Variants in OSBPL9 observed in about 807,000 individuals in gnomAD.
The protein encoded by OSBPL9 is oxysterol-binding protein-related protein 9.
Under a neutral mutation model 106.6 loss-of-function variants are expected in OSBPL9, and 40 were observed. That is an observed-to-expected ratio of 0.38 (90% CI 0.29 to 0.49). OSBPL9 has a LOEUF of 0.49. OSBPL9 is among the 20% of genes least tolerant of loss of function. The pLI is 0.97. For missense variants in OSBPL9, 609 were observed against 887.2 expected (o/e 0.69, Z 3.98); for synonymous variants, 269 against 295.4 (o/e 0.91, Z 0.92).
At chr1:51,728,472 G>T (rs749135536) in intron 4 of OSBPL9, among the ~76,000 whole-genome samples, 6 of 152,112 alleles carry the variant, frequency 3.9e-5, no homozygotes, top group Non-Finnish European at 5.9e-5. Context: ...AAATGGGGAA[G>T]GTGTCTAGGA....
chr1:51,534,814 T>C, the OSBPL9 span, among the ~76,000 whole-genome samples: 1 of 152,264 alleles, frequency 6.6e-6, no homozygotes, highest in East Asian at 1.9e-4. Flanking sequence ...TCACTGTGTC[T>C]TTGGGCAAGC....
At chr1:51,750,651 C>T (rs1571532282) in intron 8 of OSBPL9, among the ~76,000 whole-genome samples, 1 of 151,994 alleles carries the variant, frequency 6.6e-6, no homozygotes, top group Non-Finnish European at 1.5e-5. Flanking sequence ...ATTCATGAAA[C>T]AAAATATATT....
rs150082996 is a variant in OSBPL9, at chr1:51,654,306, T to A, written c.162+2265T>A. ...CCTACACCCATTAACTCACTGAGGG[T>A]TGCAAAATAATGACAGGCTATCATT... On this transcript the variant is annotated intron_variant, in intron 2 of 23. Transcript: ENST00000428468. Among the ~76,000 whole-genome samples, 969 of 152,338 alleles carry A rather than the reference T, an allele frequency of 6.4e-3. 7 individuals are homozygous for A. The highest frequency in any genetic ancestry group is 0.011 in the Non-Finnish European group (759 of 68,032).
At chr1:51,519,275 TG>T in the OSBPL9 span, 4 of 841,158 alleles carry the variant, frequency 4.8e-6, no homozygotes, top group Non-Finnish European at 4.2e-6. Flanking sequence ...ACGGGCTGAC[TG>T]GGGCTCGGGG....
chr1:51,724,843 C>CT, intron 4 of OSBPL9: 4 of 266,478 alleles, frequency 1.5e-5, no homozygotes, highest in South Asian at 5.6e-5. Flanking sequence ...TGGAGACTTC[C>CT]TTTACCCTTC....
At chr1:51,560,729 T>A in the OSBPL9 span, among the ~76,000 whole-genome samples, 1 of 152,178 alleles carries the variant, frequency 6.6e-6, no homozygotes, top group Non-Finnish European at 1.5e-5. Flanking sequence ...GTCCCCTCCT[T>A]TTTACCTTCC....
At chr1:51,519,260 G>A in the OSBPL9 span, 1 of 1,297,168 alleles carries the variant, frequency 7.7e-7, no homozygotes, top group East Asian at 3.2e-5. Context: ...GGGAGGGGAA[G>A]GAAGACGGGC....
chr1:51,629,601 G>T (rs1037868915), intron 1 of OSBPL9, among the ~76,000 whole-genome samples: 1 of 152,154 alleles, frequency 6.6e-6, no homozygotes, highest in African/African-American at 2.4e-5. Flanking sequence ...GCCTTTGGAG[G>T]TTCGCTGAAA....
At chr1:51,719,066 T>A (rs1661581603) in intron 4 of OSBPL9, among the ~76,000 whole-genome samples, 2 of 152,208 alleles carry the variant, frequency 1.3e-5, no homozygotes, top group African/African-American at 4.8e-5. Context: ...GTAGCTTTAG[T>A]CTCACTTTTT....
intron 1 of OSBPL9, among the ~76,000 whole-genome samples, chr1:51,643,206 T>TCTATTCATGAGGACGGAGGG (rs1402429634): frequency 6.6e-6 from 1 of 152,168 alleles, no homozygotes; most frequent in Non-Finnish European, 1.5e-5. Context: ...TCCTCATTAA[T>TCTATTCATGAGGACGGAGGG]CTATTCATGA....
rs565314394 is a variant in OSBPL9, at chr1:51,623,951, T to C, written c.111+6730T>C. 4.6e-5 allele frequency among the ~76,000 whole-genome samples: 7 copies of C among 152,008 alleles called. No homozygotes were observed. The South Asian group carries it at 1.5e-3, about 32-fold the overall frequency. On this transcript the variant is annotated intron_variant, in intron 1 of 23. Transcript: ENST00000428468. Reference sequence around the variant, plus strand: ...TTTTTTTTTTTTGTCGGAGTCTCGCTCTGTCACCCAGGTTGGAGTGCAGTG... The same window carrying C: ...TTTTTTTTTTTTGTCGGAGTCTCGCCCTGTCACCCAGGTTGGAGTGCAGTG...
chr1:51,683,404 T>A (rs865948916), intron 3 of OSBPL9, among the ~76,000 whole-genome samples: 18 of 149,384 alleles, frequency 1.2e-4, no homozygotes, highest in African/African-American at 4.4e-4. Context: ...GGTCTCGAAC[T>A]GCTGACCTTA....
At chr1:51,613,719 GC>G (rs148648420), upstream of OSBPL9, among the ~76,000 whole-genome samples, 15,860 of 151,672 alleles carry the variant, frequency 0.1, 949 homozygotes, top group Middle Eastern at 0.22. Context: ...CTTAAACCAA[GC>G]CTTGCCTTTT....
the OSBPL9 span, among the ~76,000 whole-genome samples, chr1:51,530,181 A>C: frequency 1.9e-4 from 23 of 121,614 alleles, 1 homozygote; most frequent in South Asian, 9.7e-4. Context: ...AAAAAAAAAA[A>C]AAAAAAAAAA....
Position 51,729,634 on chromosome 1 carries a change from A to C in OSBPL9, c.318+15555A>C. Reference sequence around the variant, plus strand: ...CCCGCCGCTGCGCACCCCTCCCGCGAGCTGCCAGCTCCCTCGGCCTCTCCA... The same window carrying C: ...CCCGCCGCTGCGCACCCCTCCCGCGCGCTGCCAGCTCCCTCGGCCTCTCCA... On this transcript the variant is annotated intron_variant, in intron 4 of 23. Coordinates refer to ENST00000428468, the MANE Select transcript of OSBPL9 (RefSeq NM_024586.6). This position sits in a 1 kb window ranked among gnomAD's most constrained non-coding sequence, Gnocchi z 5.1. The C allele has an allele frequency of 3.9e-6, 1 of 258,540 alleles. No individual in the cohort carries two copies. 16.0% of individuals were successfully genotyped at this position (258,540 alleles called of 1,614,324 possible).
intron 15 of OSBPL9, among the ~76,000 whole-genome samples, chr1:51,777,901 C>T (rs1301824719): frequency 6.6e-6 from 1 of 152,028 alleles, no homozygotes; most frequent in Non-Finnish European, 1.5e-5. Context: ...GCCTGTAATC[C>T]CAGCACTTTG....
intron 1 of OSBPL9, among the ~76,000 whole-genome samples, chr1:51,624,684 G>A (rs369020122): frequency 6.0e-4 from 92 of 152,286 alleles, no homozygotes; most frequent in African/African-American, 2.1e-3. Flanking sequence ...TCAGTGGGAA[G>A]AATTATTTGG....
At chr1:51,557,924 T>C in the OSBPL9 span, among the ~76,000 whole-genome samples, 1 of 152,232 alleles carries the variant, frequency 6.6e-6, no homozygotes, top group East Asian at 1.9e-4. Context: ...TCTATCTTGC[T>C]TCTAACCTCC....
intron 15 of OSBPL9, among the ~76,000 whole-genome samples, chr1:51,778,840 T>G (rs1675662716): frequency 6.6e-6 from 1 of 152,208 alleles, no homozygotes; most frequent in Non-Finnish European, 1.5e-5. Flanking sequence ...CACAGAGTCT[T>G]TTCCAGGTGC....
Sources: gnomAD v4.1 joint callset for allele counts (sites outside exome capture counted in the v4.1 genomes callset) on GRCh38, gnomAD v4.1.1 for gene constraint, Gnocchi (gnomAD v3.1) non-coding constraint, MANE v1.5 for transcripts, NCBI Gene and HGNC (gene_info 2026-07-23, HGNC 2026-07-21) for gene names.